Variants in PASK observed in about 807,000 individuals in gnomAD.
PASK encodes PAS domain-containing serine/threonine-protein kinase.
Under a neutral mutation model 121.0 loss-of-function variants are expected in PASK, and 110 were observed. That is an observed-to-expected ratio of 0.91 (90% CI 0.78 to 1.06). The LOEUF (loss-of-function observed/expected upper bound fraction) is 1.06. Among genes scored for constraint, PASK ranks in the 50% least tolerant of loss-of-function variants. PASK has a pLI of 0.00. For missense variants in PASK, 1,643 were observed against 1,702.3 expected (o/e 0.97, Z 0.61); for synonymous variants, 686 against 717.8 (o/e 0.96, Z 0.71).
chr2:241,149,157 G>A lies in PASK; in HGVS notation c.-43+257C>T, dbSNP rs549124251. On this transcript the variant is annotated intron_variant, in intron 1 of 17. Transcript: ENST00000234040. ...CGCCCACCGGGCAGGCTACACTGAAGGGCACCCCGAAGACGCTGGGGGCGC... is the reference window on the plus strand; with the variant it reads ...CGCCCACCGGGCAGGCTACACTGAAAGGCACCCCGAAGACGCTGGGGGCGC... Among the ~76,000 whole-genome samples the A allele has an allele frequency of 1.8e-3, 273 of 152,116 alleles. 2 individuals are homozygous for A. Among genetic ancestry groups the A allele is most frequent in the African/African-American group, 6.2e-3 (258 of 41,534 alleles).
intron 4 of PASK, chr2:241,139,567 G>A (rs923559171): frequency 3.3e-6 from 2 of 605,944 alleles, no homozygotes; most frequent in African/African-American, 3.7e-5. Context: ...AGCATCTGAT[G>A]TGCTGCCCGG....
chr2:241,130,087 C>T (rs1257612163), intron 9 of PASK, among the ~76,000 whole-genome samples: 1 of 152,200 alleles, frequency 6.6e-6, no homozygotes, highest in Non-Finnish European at 1.5e-5. Context: ...TACAGCTCAC[C>T]TCCTTCCTTC....
Position 241,112,294 on chromosome 2 carries a change from T to C in PASK, c.3479A>G (p.Tyr1160Cys), listed in dbSNP as rs755294138. ...GTACTCGATGGTCCCACAAAAAGTA[T>C]AAAATAATTTTCCCCTTTCCAAGTA... ...AAYLERGKLF[Y>C]TFCGTIEYCA... The change falls in exon 15 of 18, where the codon TAT becomes TGT. Residue 1160 changes from tyrosine to cysteine, a missense_variant. By Grantham distance (194) the Tyr-to-Cys change is radical (BLOSUM62 -2). Coordinates refer to ENST00000234040, the MANE Select transcript of PASK (RefSeq NM_015148.4). This position sits in a 1 kb window ranked among gnomAD's most constrained non-coding sequence, Gnocchi z 5.2. 2 of 1,613,794 alleles carry C rather than the reference T, an allele frequency of 1.2e-6. No homozygotes were observed. Among genetic ancestry groups the C allele is most frequent in the Non-Finnish European group, 1.7e-6 (2 of 1,179,830 alleles).
In PASK at chr2:241,115,014, A is replaced by G. The variant is rs758111769; in HGVS notation, c.3333+29T>C. ...GACCCAGGCACCCAGGCCTGCGTTC[A>G]CACTAACACGGCTCTGGCCTGCTCT... is the stretch of plus-strand genomic sequence containing the variant. On this transcript the variant is annotated intron_variant, in intron 14 of 17. Transcript: ENST00000234040. 5 of 1,614,062 alleles carry G rather than the reference A, an allele frequency of 3.1e-6. No homozygotes were observed. The South Asian group carries it at 4.4e-5, about 14-fold the overall frequency.
rs1427997248 is a variant in PASK at position 241,124,074 on chromosome 2, A to C, written c.2779T>G (p.Trp927Gly). 10 of 1,613,670 alleles carry C rather than the reference A, an allele frequency of 6.2e-6. No individual in the cohort carries two copies. In the Admixed American group the frequency reaches 1.0e-4, roughly 16 times the overall value. ...LQGPTPLFCC[W>G]LVKDLLHSQR... ...CTGTGGAGGAGGTCTTTCACCAGCC[A>C]GCAGCAGAACAGAGGTGTGGGGCCC... The change falls in exon 11 of 18, where the codon TGG becomes GGG. Residue 927 changes from tryptophan (W) to glycine (G), a missense_variant. Physicochemically the swap from Trp to Gly is radical, Grantham distance 184. This residue lies in a region of PASK where 453 missense variants were observed against 511.2 expected (regional missense o/e 0.89). Transcript: ENST00000234040.
chr2:241,114,837 C>CTCA, intron 14 of PASK: 1 of 1,476,588 alleles, frequency 6.8e-7, no homozygotes. Flanking sequence ...TGTATCTGGC[C>CTCA]TCATCCTTCC....
chr2:241,107,823 T>A (rs1309376722), intron 16 of PASK, among the ~76,000 whole-genome samples: 2 of 152,148 alleles, frequency 1.3e-5, no homozygotes, highest in Non-Finnish European at 2.9e-5. Context: ...GGTGAGGGGA[T>A]GCCAGCACAA....
Position 241,142,803 on chromosome 2 carries a change from C to G in PASK, c.196+34G>C, listed in dbSNP as rs2074833. 4.2e-5 allele frequency: 62 copies of G among 1,476,412 alleles called. No homozygotes were observed. The African/African-American group carries it at 7.0e-4, about 17-fold the overall frequency. The allele number at this position is 1,476,412 out of a possible 1,614,324, so 91.5% of individuals were successfully genotyped here. A position where few individuals can be genotyped will look rare whatever the true frequency, so the allele number is the denominator to read the frequency against. On this transcript the variant is annotated intron_variant, in intron 2 of 17. Coordinates refer to ENST00000234040, the MANE Select transcript of PASK (RefSeq NM_015148.4). ...GAGCAACTCCACATTTGTATTTCCACGCGCTAAGGCCTGCAGTGGTCGAAG... is the reference window on the plus strand; with the variant it reads ...GAGCAACTCCACATTTGTATTTCCAGGCGCTAAGGCCTGCAGTGGTCGAAG...
intron 6 of PASK, among the ~76,000 whole-genome samples, chr2:241,137,526 G>C (rs1490426391): frequency 6.6e-6 from 1 of 152,158 alleles, no homozygotes; most frequent in Admixed American, 6.5e-5. Flanking sequence ...CCAGTGAGGG[G>C]CCGGGCACCA....
Position 241,137,957 on chromosome 2 carries a change from G to C in PASK, c.872C>G (p.Pro291Arg). The C allele has an allele frequency of 6.2e-7, 1 of 1,614,182 alleles. No individual in the cohort carries two copies. The highest frequency in any genetic ancestry group is 8.5e-7 in the Non-Finnish European group (1 of 1,180,004). ...GCGGGAGGTCAGGAGCCCTACCTTTGGGATGTGCTGGCCAGAAGGAGGGAG... is the reference window on the plus strand; with the variant it reads ...GCGGGAGGTCAGGAGCCCTACCTTTCGGATGTGCTGGCCAGAAGGAGGGAG... Reference protein sequence around the residue: ...VQLPPSGQHIPKNLKIQRSVG... With the variant: ...VQLPPSGQHIRKNLKIQRSVG... The change falls in exon 6 of 18, where the codon CCA becomes CGA. Residue 291 changes from proline to arginine, a missense_variant. Pro to Arg is a moderately radical substitution (Grantham distance 103). Transcript: ENST00000234040.
intron 9 of PASK, among the ~76,000 whole-genome samples, chr2:241,128,073 AG>A (rs201203171): frequency 0.024 from 3,581 of 152,266 alleles, 141 homozygotes; most frequent in African/African-American, 0.082. Context: ...TGAGGTCAGG[AG>A]GTTCGAGACC....
chr2:241,148,272 G>A (rs549283184), intron 1 of PASK, among the ~76,000 whole-genome samples: 1 of 152,236 alleles, frequency 6.6e-6, no homozygotes, highest in Admixed American at 6.5e-5. Context: ...CAACTTTGCA[G>A]GGAGCATCTC....
At chr2:241,140,138 C>T (rs10933532) in intron 3 of PASK, 83 bp from the exon 4 acceptor site, 128,569 of 1,084,422 alleles carry the variant, frequency 0.12, 10,608 homozygotes, top group African/African-American at 0.27. Flanking sequence ...GACGACCATG[C>T]AGAAGCCAGC....
chr2:241,108,041 T>C lies in PASK; in HGVS notation c.3667+126A>G, dbSNP rs1417512605. On this transcript the variant is annotated intron_variant, in intron 16 of 17. Transcript: ENST00000234040. This position sits in a 1 kb window ranked among gnomAD's most constrained non-coding sequence, Gnocchi z 5.2. ...AGTCATATGCAAATTATTTGATGAATAGAAAAGAAACAAATGAGACTGTTG... is the reference window on the plus strand; with the variant it reads ...AGTCATATGCAAATTATTTGATGAACAGAAAAGAAACAAATGAGACTGTTG... 7.4e-6 allele frequency: 7 copies of C among 941,932 alleles called. No homozygotes were observed. The highest frequency in any genetic ancestry group is 2.6e-5 in the South Asian group (2 of 76,326). The allele number at this position is 941,932 out of a possible 1,614,324, so 58.3% of individuals were successfully genotyped here.
intron 9 of PASK, among the ~76,000 whole-genome samples, chr2:241,130,503 G>A (rs568547808): frequency 1.3e-5 from 2 of 152,154 alleles, no homozygotes; most frequent in East Asian, 1.9e-4. Context: ...CGCTAGTGCT[G>A]TTGAGCACCC....
intron 15 of PASK, among the ~76,000 whole-genome samples, chr2:241,110,039 G>A (rs2065043520): frequency 6.6e-6 from 1 of 152,228 alleles, no homozygotes; most frequent in Admixed American, 6.5e-5. Context: ...ACATAAAGAT[G>A]GAAGCAAAAG....
intron 14 of PASK, chr2:241,114,841 T>C: frequency 1.3e-6 from 2 of 1,482,448 alleles, no homozygotes; most frequent in South Asian, 2.8e-5. Flanking sequence ...TCTGGCCTCA[T>C]CCTTCCTTCC....
chr2:241,127,477 T>C (rs755750178), intron 9 of PASK, 26 bp from the exon 10 acceptor site: 1 of 1,584,128 alleles, frequency 6.3e-7, no homozygotes. Context: ...TGGGTGACCA[T>C]CATGTAGGGC....
Position 241,139,994 on chromosome 2 carries a change from C to A in PASK, c.491G>T (p.Gly164Val). The change falls in exon 4 of 18, where the codon GGC (glycine) becomes GTC (valine). Residue 164 changes from glycine to valine, a missense_variant. Around this residue, in one of 3 missense-constraint regions of PASK, gnomAD observed 1,176 missense variants for 1,162.2 expected, o/e 1.01. Coordinates refer to ENST00000234040, the MANE Select transcript of PASK (RefSeq NM_015148.4). ...LLGYSSQDLIGQKLTQFFLRS... is the reference protein window; with the variant it reads ...LLGYSSQDLIVQKLTQFFLRS... ...CAGAAAGAACTGCGTGAGCTTCTGGCCAATCAGGTCCTGGCTGCTGTACCC... is the reference window on the plus strand; with the variant it reads ...CAGAAAGAACTGCGTGAGCTTCTGGACAATCAGGTCCTGGCTGCTGTACCC... 6.2e-7 allele frequency: 1 copy of A among 1,614,042 alleles called. No homozygotes were observed. Among genetic ancestry groups the A allele is most frequent in the Non-Finnish European group, 8.5e-7 (1 of 1,179,876 alleles).
Sources: allele counts gnomAD v4.1 joint callset (sites outside exome capture counted in the v4.1 genomes callset), GRCh38; gene constraint gnomAD v4.1.1; regional missense constraint gnomAD v4.1.1; non-coding constraint Gnocchi (gnomAD v3.1); transcripts MANE v1.5; gene names NCBI Gene and HGNC (gene_info 2026-07-23, HGNC 2026-07-21).